Variants in ATP8A2 observed in about 807,000 individuals in gnomAD.
ATP8A2 encodes the protein ATPase phospholipid transporting 8A2, also known as phospholipid-transporting ATPase IB.
Under a neutral mutation model 165.6 loss-of-function variants are expected in ATP8A2, and 100 were observed. The observed-to-expected ratio is 0.60, with a 90% confidence interval of 0.51 to 0.71. The LOEUF (loss-of-function observed/expected upper bound fraction) is 0.71, where lower values mean the gene tolerates loss of function less well. Among genes scored for constraint, ATP8A2 ranks in the 30% least tolerant of loss-of-function variants. The pLI, the probability that ATP8A2 is intolerant of heterozygous loss-of-function variation, is 0.00. For synonymous variants in ATP8A2, 543 were observed against 548.8 expected (o/e 0.99, Z 0.15); for missense variants, 1,227 against 1,479.5 (o/e 0.83, Z 2.80).
At chr13:25,473,506 T>A (rs1274310991) in intron 2 of ATP8A2, among the ~76,000 whole-genome samples, 1 of 152,194 alleles carries the variant, frequency 6.6e-6, no homozygotes, top group Non-Finnish European at 1.5e-5. Flanking sequence ...GAGTGTACAA[T>A]CATATCTCCT....
intron 2 of ATP8A2, among the ~76,000 whole-genome samples, chr13:25,484,802 C>T (rs887192749): frequency 3.9e-5 from 6 of 152,078 alleles, no homozygotes; most frequent in East Asian, 1.9e-4. Context: ...CAGGCGTGAG[C>T]GACCGCAACC....
chr13:26,010,163 C>T (rs1446102924), intron 35 of ATP8A2, among the ~76,000 whole-genome samples: 1 of 152,230 alleles, frequency 6.6e-6, no homozygotes, highest in Admixed American at 6.5e-5. Context: ...GCACAGGAGC[C>T]CTGCCAGCAA....
intron 33 of ATP8A2, among the ~76,000 whole-genome samples, chr13:25,876,820 A>G (rs1952831055): frequency 6.6e-6 from 1 of 152,192 alleles, no homozygotes. Context: ...TTTTTCCACT[A>G]TTCAAATAGA....
At chr13:25,515,110 G>C in intron 2 of ATP8A2, among the ~76,000 whole-genome samples, 1 of 152,184 alleles carries the variant, frequency 6.6e-6, no homozygotes, top group East Asian at 1.9e-4. Context: ...GTAAGAGGGA[G>C]CTCCTCCTGC....
chr13:25,956,913 C>A (rs1955537946), intron 33 of ATP8A2, among the ~76,000 whole-genome samples: 1 of 152,096 alleles, frequency 6.6e-6, no homozygotes, highest in Admixed American at 6.5e-5. Flanking sequence ...GTACTGATAC[C>A]AAAACAGATG....
chr13:25,835,200 A>C (rs968161771), intron 28 of ATP8A2, among the ~76,000 whole-genome samples: 2 of 152,160 alleles, frequency 1.3e-5, no homozygotes, highest in Non-Finnish European at 2.9e-5. Flanking sequence ...GAGAGTATGT[A>C]CTAAGAAAGT....
chr13:25,942,483 C>T (rs1288919167), intron 33 of ATP8A2, among the ~76,000 whole-genome samples: 1 of 152,146 alleles, frequency 6.6e-6, no homozygotes, highest in Non-Finnish European at 1.5e-5. Flanking sequence ...AGTGCAGTGG[C>T]ATGATCTTGG....
chr13:25,374,217 GTGGGGTGTACCTGTGCCCAGTGC>G (rs1468132938), intron 1 of ATP8A2, among the ~76,000 whole-genome samples: 4 of 152,152 alleles, frequency 2.6e-5, no homozygotes, highest in Non-Finnish European at 5.9e-5. Flanking sequence ...TCAGGAAGGG[GTGGGGTGTACCTGTGCCCAGTGC>G]TGCTGAGCTC....
intron 27 of ATP8A2, among the ~76,000 whole-genome samples, chr13:25,817,041 T>C (rs111693637): frequency 1.3e-5 from 2 of 152,288 alleles, no homozygotes; most frequent in Middle Eastern, 3.4e-3. Context: ...CCTTCCATAA[T>C]AGACCCCCTG....
At chr13:25,494,627 T>C (rs898577183) in intron 2 of ATP8A2, among the ~76,000 whole-genome samples, 1 of 152,240 alleles carries the variant, frequency 6.6e-6, no homozygotes, top group Non-Finnish European at 1.5e-5. Context: ...AGAAGCGCGT[T>C]GCTGTTGTTC....
intron 25 of ATP8A2, among the ~76,000 whole-genome samples, chr13:25,734,720 C>T (rs1198975172): frequency 1.3e-5 from 2 of 152,110 alleles, no homozygotes; most frequent in Non-Finnish European, 2.9e-5. Flanking sequence ...CTCACTGCAA[C>T]CCCCGGCCCC....
At chr13:25,908,879 T>G (rs1207568250) in intron 33 of ATP8A2, among the ~76,000 whole-genome samples, 1 of 152,206 alleles carries the variant, frequency 6.6e-6, no homozygotes, top group Non-Finnish European at 1.5e-5. Context: ...AATTTTAGTG[T>G]GCAATGCTTA....
intron 24 of ATP8A2, among the ~76,000 whole-genome samples, chr13:25,658,231 A>G (rs2041975959): frequency 6.6e-6 from 1 of 152,230 alleles, no homozygotes; most frequent in Non-Finnish European, 1.5e-5. Flanking sequence ...AGAATTTAAA[A>G]GTGTTACCAT....
chr13:25,958,537 C>T (rs537329043), intron 33 of ATP8A2, among the ~76,000 whole-genome samples: 4 of 152,286 alleles, frequency 2.6e-5, no homozygotes, highest in East Asian at 1.9e-4. Context: ...CTCTCACCAG[C>T]TTGTGTCCTA....
At chr13:25,624,711 G>T (rs1308273168) in intron 24 of ATP8A2, among the ~76,000 whole-genome samples, 1 of 152,160 alleles carries the variant, frequency 6.6e-6, no homozygotes, top group Non-Finnish European at 1.5e-5. Flanking sequence ...TACAAGTTGT[G>T]TGAGTTACAC....
intron 33 of ATP8A2, among the ~76,000 whole-genome samples, chr13:25,913,997 T>C (rs1482144825): frequency 6.6e-6 from 1 of 152,204 alleles, no homozygotes; most frequent in East Asian, 1.9e-4. Flanking sequence ...TGACCTCATA[T>C]GACTCCTCAG....
chr13:25,805,733 G>A (rs947378205), intron 27 of ATP8A2, among the ~76,000 whole-genome samples: 3 of 152,114 alleles, frequency 2.0e-5, no homozygotes, highest in Non-Finnish European at 4.4e-5. Flanking sequence ...AATGGCACAT[G>A]GCACTTAATT....
intron 24 of ATP8A2, among the ~76,000 whole-genome samples, chr13:25,645,607 G>A (rs1476669751): frequency 3.3e-5 from 5 of 152,050 alleles, no homozygotes; most frequent in Non-Finnish European, 7.4e-5. Context: ...GCTTTGGTAT[G>A]TTGTGTTTCC....
rs1265633886 is a variant in ATP8A2, at chr13:25,839,617, G to A, written c.2949G>A (p.Leu983=). ...TCTTCTGGTTTCCCATGAAAGCTCT[G>A]GAGCATGGTAAGGGCTGTGTGATTT... ...LILFWFPMKA[L]EHDTVLTSGH... The change falls in exon 30 of 37, where the codon CTG becomes CTA. Residue 983 remains leucine, a synonymous_variant. Transcript: ENST00000381655. The A allele has an allele frequency of 5.6e-6, 9 of 1,613,644 alleles. No individual in the cohort carries two copies. The highest frequency in any genetic ancestry group is 1.3e-5 in the African/African-American group (1 of 75,040).
Sources: gnomAD v4.1 joint callset for allele counts (sites outside exome capture counted in the v4.1 genomes callset) on GRCh38, gnomAD v4.1.1 for gene constraint, MANE v1.5 for transcripts, NCBI Gene and HGNC (gene_info 2026-07-23, HGNC 2026-07-21) for gene names.